The following CRIM1 variants were observed in gnomAD, a reference collection of about 807,000 sequenced individuals.
CRIM1 encodes cysteine-rich motor neuron 1 protein.
CRIM1 carries 32 observed loss-of-function variants against 116.4 expected under a neutral mutation model. The ratio of observed to expected loss-of-function variants is 0.27; its 90% CI spans 0.21 to 0.37. The LOEUF (loss-of-function observed/expected upper bound fraction) is 0.37. Ranked by LOEUF, CRIM1 falls within the 10% of genes least tolerant of loss-of-function variation. The pLI is 1.00. For missense variants in CRIM1, 1,331 were observed against 1,354.8 expected, an observed-to-expected ratio of 0.98 and a Z score of 0.28; for synonymous variants, 590 against 509.2, an observed-to-expected ratio of 1.16 and a Z score of -2.13.
intron 1 of CRIM1, among the ~76,000 whole-genome samples, chr2:36,362,867 A>G (rs6728742): frequency 0.58 from 88,232 of 151,856 alleles, 26,182 homozygotes; most frequent in South Asian, 0.68. Context: ...AATTCCCCAC[A>G]TGAAAATACC....
chr2:36,479,564 C>G lies in CRIM1; in HGVS notation c.1242C>G (p.Asp414Glu). The G allele has an allele frequency of 6.2e-7, 1 of 1,614,226 alleles. No homozygotes were observed. Among genetic ancestry groups the G allele is most frequent in the South Asian group, 1.1e-5 (1 of 91,078 alleles). Residue 414 changes from aspartate to glutamate, a missense_variant, in exon 7 of 17, where the codon GAC becomes GAG. Asp to Glu is a conservative substitution (Grantham distance 45). Around this residue, in one of 3 missense-constraint regions of CRIM1, gnomAD observed 690 missense variants for 676.0 expected, o/e 1.02. Coordinates refer to ENST00000280527, the MANE Select transcript of CRIM1 (RefSeq NM_016441.3). The stretch of plus-strand genomic sequence containing the variant: ...ATGGCCTGATCCTTGCCCACGGAGA[C>G]CGGTGGCGGGAAGACGACTGCACAT... Reference protein sequence around the residue: ...YANGLILAHGDRWREDDCTFC... With the variant: ...YANGLILAHGERWREDDCTFC...
intron 9 of CRIM1, 101 bp downstream of exon 9, chr2:36,510,240 A>G (rs761008814): frequency 5.3e-6 from 6 of 1,134,980 alleles, no homozygotes; most frequent in Non-Finnish European, 7.6e-6. Context: ...AATCTATGGT[A>G]TATTGAGCCC....
At chr2:36,362,734 C>G (rs1445619633) in intron 1 of CRIM1, among the ~76,000 whole-genome samples, 1 of 152,150 alleles carries the variant, frequency 6.6e-6, no homozygotes. Flanking sequence ...AAACACTAAA[C>G]TCTTACGTGT....
chr2:36,361,096 A>G (rs1215557648), intron 1 of CRIM1, among the ~76,000 whole-genome samples: 1 of 152,248 alleles, frequency 6.6e-6, no homozygotes, highest in African/African-American at 2.4e-5. Context: ...AATAAATGAC[A>G]GGACTCAGTG....
chr2:36,397,682 G>C (rs750729809), intron 2 of CRIM1, among the ~76,000 whole-genome samples: 8 of 152,160 alleles, frequency 5.3e-5, no homozygotes, highest in Non-Finnish European at 1.0e-4. Context: ...GGGCAGTAAA[G>C]CAGGACTGAA....
At chr2:36,486,708 A>G (rs927631871) in intron 7 of CRIM1, among the ~76,000 whole-genome samples, 5 of 152,142 alleles carry the variant, frequency 3.3e-5, no homozygotes, top group Admixed American at 2.0e-4. Context: ...TTTTCCTACT[A>G]AGACAATAAT....
chr2:36,455,554 C>CT (rs1261491133), intron 4 of CRIM1, among the ~76,000 whole-genome samples: 3 of 152,136 alleles, frequency 2.0e-5, no homozygotes, highest in Admixed American at 2.0e-4. Context: ...CCTCTGCCCT[C>CT]TAAAGCGTTG....
intron 2 of CRIM1, among the ~76,000 whole-genome samples, chr2:36,414,559 G>A (rs761075044): frequency 9.9e-5 from 15 of 152,188 alleles, no homozygotes; most frequent in African/African-American, 2.4e-4. Context: ...TGCTGTTGAC[G>A]TACAGGGTAC....
At chr2:36,367,416 T>C (rs1198552215) in intron 1 of CRIM1, among the ~76,000 whole-genome samples, 3 of 152,192 alleles carry the variant, frequency 2.0e-5, no homozygotes, top group African/African-American at 7.2e-5. Flanking sequence ...CAGCCATGGC[T>C]TTTGAATCCC....
In CRIM1 at chr2:36,496,060, C is replaced by T. The variant is rs3770838; in HGVS notation, c.1373-3159C>T. 1.3e-3 allele frequency among the ~76,000 whole-genome samples: 192 copies of T among 152,174 alleles called. 3 individuals are homozygous for T. In the East Asian group the frequency reaches 0.029, roughly 23 times the overall value. On this transcript the variant is annotated intron_variant, in intron 7 of 16. Transcript: ENST00000280527. ...GAAATGCCAGGAGACAACTAGTTGC[C>T]TGCAAATGTGTACAACTCAACAGTT...
chr2:36,396,265 T>G (rs1300116030), intron 1 of CRIM1, among the ~76,000 whole-genome samples: 1 of 152,214 alleles, frequency 6.6e-6, no homozygotes, highest in African/African-American at 2.4e-5. Flanking sequence ...ACTCTTGTAA[T>G]TTTATTGAAC....
intron 12 of CRIM1, among the ~76,000 whole-genome samples, chr2:36,519,689 A>G (rs1392761200): frequency 2.6e-5 from 4 of 152,330 alleles, no homozygotes; most frequent in South Asian, 4.1e-4. Context: ...TTCCATCTGT[A>G]GGGTGCCTTG....
intron 1 of CRIM1, among the ~76,000 whole-genome samples, chr2:36,377,539 C>T (rs551959861): frequency 6.6e-6 from 1 of 152,196 alleles, no homozygotes; most frequent in African/African-American, 2.4e-5. Context: ...CATGATTTCC[C>T]TCTGTAAAAT....
intron 5 of CRIM1, 84 bp downstream of exon 5, chr2:36,464,739 T>G: frequency 6.6e-7 from 1 of 1,524,678 alleles, no homozygotes; most frequent in East Asian, 2.3e-5. Flanking sequence ...TGCTTCTGCC[T>G]TTTACAAAGC....
chr2:36,509,149 T>C (rs1037338337), intron 8 of CRIM1, among the ~76,000 whole-genome samples: 23 of 152,188 alleles, frequency 1.5e-4, no homozygotes, highest in Admixed American at 1.5e-3. Flanking sequence ...AAATCCCTTA[T>C]GCTGCATACA....
At chr2:36,505,902 G>GACA (rs1681358999) in intron 8 of CRIM1, among the ~76,000 whole-genome samples, 1 of 152,096 alleles carries the variant, frequency 6.6e-6, no homozygotes, top group Non-Finnish European at 1.5e-5. Context: ...TACCCAGTGT[G>GACA]GCAGGCTCAC....
At chr2:36,430,646 G>A (rs1674813400) in intron 2 of CRIM1, among the ~76,000 whole-genome samples, 1 of 152,200 alleles carries the variant, frequency 6.6e-6, no homozygotes, top group Non-Finnish European at 1.5e-5. Context: ...TGATTAGGAA[G>A]TTTGCTGGAG....
intron 5 of CRIM1, among the ~76,000 whole-genome samples, chr2:36,472,422 G>A (rs144775428): frequency 9.1e-4 from 138 of 152,246 alleles, no homozygotes; most frequent in African/African-American, 3.2e-3. Context: ...CTTAAAGATT[G>A]ATTGTGTTTC....
chr2:36,473,124 CG>C (rs1218778769), intron 5 of CRIM1, among the ~76,000 whole-genome samples: 1 of 152,068 alleles, frequency 6.6e-6, no homozygotes, highest in Non-Finnish European at 1.5e-5. Context: ...GTCTTCTTAG[CG>C]GGGTTGTTAT....
Sources: allele counts gnomAD v4.1 joint callset (sites outside exome capture counted in the v4.1 genomes callset), GRCh38; gene constraint gnomAD v4.1.1; regional missense constraint gnomAD v4.1.1; transcripts MANE v1.5; gene names NCBI Gene and HGNC (gene_info 2026-07-23, HGNC 2026-07-21).